The following DOCK3 variants were observed in gnomAD, a reference collection of about 807,000 sequenced individuals.
DOCK3 encodes the protein dedicator of cytokinesis 3, also known as dedicator of cytokinesis protein 3.
DOCK3 carries 60 observed loss-of-function variants against 265.6 expected under a neutral mutation model. That is an observed-to-expected ratio of 0.23 (90% CI 0.18 to 0.28). The LOEUF (loss-of-function observed/expected upper bound fraction) is 0.28, where lower values mean the gene tolerates loss of function less well. DOCK3 is among the 10% of genes least tolerant of loss of function. The pLI is 1.00. For synonymous variants in DOCK3, 881 were observed against 938.0 expected (o/e 0.94, Z 1.11); for missense variants, 1,981 against 2,594.3 (o/e 0.76, Z 5.14).
intron 1 of DOCK3, chr3:50,685,637 C>G (rs1039236598): frequency 5.6e-6 from 1 of 177,124 alleles, no homozygotes; most frequent in Non-Finnish European, 1.3e-5. Context: ...TGTTAAGTCA[C>G]CACTCTGACA....
At position 50,958,150 on chromosome 3, in the gene DOCK3, G is replaced by A. The variant is rs185294561; in HGVS notation, c.315+24073G>A. On this transcript the variant is annotated intron_variant, in intron 5 of 52. Transcript: ENST00000266037. ...TATTCACCTCCTCGGATAAGATTTA[G>A]TTTGTTTCTTCCTCCAAACTATTTC... Among the ~76,000 whole-genome samples, 201 of 152,230 alleles carry A rather than the reference G, an allele frequency of 1.3e-3. 1 individual carries two copies. The highest frequency in any genetic ancestry group is 4.8e-3 in the South Asian group (23 of 4,826).
At chr3:51,338,221 A>C (rs1384732794) in intron 35 of DOCK3, 138 bp from the exon 36 acceptor site, 32 of 863,616 alleles carry the variant, frequency 3.7e-5, no homozygotes, top group Non-Finnish European at 5.9e-5. Context: ...TAGAGTCCTT[A>C]TCTATGGAAG....
intron 5 of DOCK3, among the ~76,000 whole-genome samples, chr3:51,025,357 T>C (rs1367773715): frequency 1.3e-5 from 2 of 152,076 alleles, no homozygotes; most frequent in Admixed American, 1.3e-4. Context: ...TGGGGAGTAG[T>C]GGGCAGCAGT....
intron 1 of DOCK3, among the ~76,000 whole-genome samples, chr3:50,754,498 C>T (rs912240870): frequency 2.7e-5 from 4 of 150,580 alleles, no homozygotes; most frequent in African/African-American, 9.7e-5. Flanking sequence ...ACTTTGAGCA[C>T]ATAAACATAT....
At chr3:51,067,649 T>C (rs945376896) in intron 6 of DOCK3, among the ~76,000 whole-genome samples, 3 of 151,888 alleles carry the variant, frequency 2.0e-5, no homozygotes, top group Non-Finnish European at 4.4e-5. Context: ...TCTTCCTTTT[T>C]TTCTTATTTT....
At chr3:50,702,456 T>C (rs976723952) in intron 1 of DOCK3, among the ~76,000 whole-genome samples, 1 of 152,120 alleles carries the variant, frequency 6.6e-6, no homozygotes, top group Non-Finnish European at 1.5e-5. Flanking sequence ...CTCCGCCTGC[T>C]GAGTTCAAGC....
At chr3:50,906,816 C>T (rs2049535681) in intron 4 of DOCK3, among the ~76,000 whole-genome samples, 1 of 151,940 alleles carries the variant, frequency 6.6e-6, no homozygotes, top group Non-Finnish European at 1.5e-5. Context: ...TGTGTTTGCT[C>T]TTGCTTCTCT....
chr3:50,976,105 A>C (rs2077441157), intron 5 of DOCK3, among the ~76,000 whole-genome samples: 1 of 148,004 alleles, frequency 6.8e-6, no homozygotes, highest in Non-Finnish European at 1.5e-5. Context: ...TCCTGGATTC[A>C]TTAATTTTTT....
At chr3:50,827,076 TG>T (rs2044802011) in intron 2 of DOCK3, among the ~76,000 whole-genome samples, 1 of 152,150 alleles carries the variant, frequency 6.6e-6, no homozygotes, top group African/African-American at 2.4e-5. Context: ...TTCAGAATAT[TG>T]GACCAAGAAG....
chr3:50,696,771 G>A (rs377142932), intron 1 of DOCK3, among the ~76,000 whole-genome samples: 20 of 152,176 alleles, frequency 1.3e-4, no homozygotes, highest in African/African-American at 4.1e-4. Flanking sequence ...TTTACTAGTC[G>A]TGTCAGAATG....
intron 1 of DOCK3, among the ~76,000 whole-genome samples, chr3:50,751,951 G>A (rs2039841306): frequency 6.6e-6 from 1 of 152,074 alleles, no homozygotes; most frequent in South Asian, 2.1e-4. Context: ...CATGGGGGAA[G>A]CCACCCCCAT....
Position 51,362,542 on chromosome 3 carries a change from C to G in DOCK3, c.5161C>G (p.Pro1721Ala), listed in dbSNP as rs147164126. ...YHHMQLAYPNPRYQGSVTNVS... is the reference protein window; with the variant it reads ...YHHMQLAYPNARYQGSVTNVS... ...CCCTTTGCAGCTCGCGTATCCCAAC[C>G]CCAGGTACCAAGGCTCAGTCACCAA... Residue 1721 changes from proline to alanine, a missense_variant, in exon 49 of 53, where the codon CCC (proline) becomes GCC (alanine). Coordinates refer to ENST00000266037, the MANE Select transcript of DOCK3 (RefSeq NM_004947.5). 6.2e-7 allele frequency: 1 copy of G among 1,614,010 alleles called. No homozygotes were observed. The highest frequency in any genetic ancestry group is 8.5e-7 in the Non-Finnish European group (1 of 1,179,896).
chr3:51,323,795 A>G (rs2083902243), intron 32 of DOCK3, among the ~76,000 whole-genome samples: 1 of 152,242 alleles, frequency 6.6e-6, no homozygotes, highest in Non-Finnish European at 1.5e-5. Context: ...AAGAGCAAAC[A>G]AATTCAAAAG....
intron 27 of DOCK3, among the ~76,000 whole-genome samples, chr3:51,300,868 T>C (rs1560387583): frequency 6.6e-6 from 1 of 152,196 alleles, no homozygotes; most frequent in Non-Finnish European, 1.5e-5. Flanking sequence ...GTTTTCTTTT[T>C]CTTATTGTAT....
intron 44 of DOCK3, 127 bp from the exon 45 acceptor site, chr3:51,357,631 G>A (rs2086452813): frequency 1.2e-6 from 1 of 821,540 alleles, no homozygotes; most frequent in Non-Finnish European, 2.0e-6. Flanking sequence ...GGCCAGACTG[G>A]TGTATGTACC....
At chr3:51,022,162 T>C (rs2079622433) in intron 5 of DOCK3, among the ~76,000 whole-genome samples, 2 of 152,236 alleles carry the variant, frequency 1.3e-5, no homozygotes, top group Admixed American at 1.3e-4. Context: ...TTTTTTATTA[T>C]AGGTAGATAG....
intron 12 of DOCK3, among the ~76,000 whole-genome samples, chr3:51,207,378 A>G (rs1289541089): frequency 6.6e-6 from 1 of 152,108 alleles, no homozygotes; most frequent in Non-Finnish European, 1.5e-5. Context: ...TCAGTAGGGG[A>G]GGTAATTTTC....
chr3:51,306,686 G>T (rs2082708223), intron 27 of DOCK3, among the ~76,000 whole-genome samples: 1 of 152,116 alleles, frequency 6.6e-6, no homozygotes, highest in African/African-American at 2.4e-5. Flanking sequence ...CTGCTGCTGA[G>T]CCCCTTTAGT....
intron 3 of DOCK3, among the ~76,000 whole-genome samples, chr3:50,849,904 C>A (rs935619508): frequency 6.6e-6 from 1 of 151,754 alleles, no homozygotes; most frequent in Non-Finnish European, 1.5e-5. Flanking sequence ...GGCAACATAG[C>A]GAAACCTCGT....
Sources: gnomAD v4.1 joint callset for allele counts (sites outside exome capture counted in the v4.1 genomes callset) on GRCh38, gnomAD v4.1.1 for gene constraint, MANE v1.5 for transcripts, NCBI Gene and HGNC (gene_info 2026-07-23, HGNC 2026-07-21) for gene names.